Variants in TKT observed in about 807,000 individuals in gnomAD.
The protein encoded by TKT is epididymis luminal protein 107.
TKT carries 47 observed loss-of-function variants against 63.9 expected under a neutral mutation model. The observed-to-expected ratio is 0.74, with a 90% CI of 0.58 to 0.94. TKT has a LOEUF of 0.94. Ranked by LOEUF, TKT falls within the 40% of genes least tolerant of loss-of-function variation. TKT has a pLI of 0.00. For missense variants in TKT, 721 were observed against 846.2 expected, an observed-to-expected ratio of 0.85 and a Z score of 1.84; for synonymous variants, 338 against 334.1, an observed-to-expected ratio of 1.01 and a Z score of -0.13.
At chr3:53,234,665 A>C in intron 5 of TKT, 1 of 232,022 alleles carries the variant, frequency 4.3e-6, no homozygotes, top group Non-Finnish European at 8.4e-6. Flanking sequence ...TTACCGAGCA[A>C]GCCCCCATCC....
rs1441095280 is a variant in TKT at position 53,225,237 on chromosome 3, A to G, written c.*519T>C. On this transcript the variant is annotated 3_prime_UTR_variant, in exon 14 of 14. Coordinates refer to ENST00000462138, the MANE Select transcript of TKT (RefSeq NM_001064.4). ...AGATGCCTAGTTAAAAGGATATGAC[A>G]AGGACGAGGGACAACAAGCAAGTGA... The G allele has an allele frequency of 1.3e-5, 2 of 152,402 alleles. No individual in the cohort carries two copies. Among genetic ancestry groups the G allele is most frequent in the African/African-American group, 4.8e-5 (2 of 41,428 alleles). 9.4% of individuals were successfully genotyped at this position (152,402 alleles called of 1,614,324 possible). A position where few individuals can be genotyped will look rare whatever the true frequency, so the allele number is the denominator to read the frequency against.
chr3:53,240,382 G>A, intron 3 of TKT, 34 bp from the exon 4 acceptor site: 1 of 1,589,782 alleles, frequency 6.3e-7, no homozygotes, highest in Non-Finnish European at 8.6e-7. Context: ...TAATCTGAGA[G>A]GAGAAGGGAT....
intron 6 of TKT, 109 bp from the exon 7 acceptor site, chr3:53,231,659 A>C (rs1704767233): frequency 8.3e-7 from 1 of 1,202,376 alleles, no homozygotes. Flanking sequence ...GCAAGGGAGG[A>C]ATGGCATCAT....
In TKT at chr3:53,228,085, G is replaced by A; in HGVS notation, c.1544C>T (p.Ala515Val). ...VIGAGVTLHE[A>V]LAAAELLKKE... is the part of the protein sequence containing the mutation. ...CTTCAGCAGTTCGGCAGCGGCCAAGGCCTCGTGCAGGGTCACCCCAGCCCC... is the reference window on the plus strand; with the variant it reads ...CTTCAGCAGTTCGGCAGCGGCCAAGACCTCGTGCAGGGTCACCCCAGCCCC... The change falls in exon 12 of 14, where the codon GCC (alanine) becomes GTC (valine). Residue 515 changes from alanine (A) to valine (V), a missense_variant. Physicochemically the swap from Ala to Val is moderately conservative, Grantham distance 64. Coordinates refer to ENST00000462138, the MANE Select transcript of TKT (RefSeq NM_001064.4). 1 of 1,613,324 alleles carries A rather than the reference G, an allele frequency of 6.2e-7. No homozygotes were observed. Among genetic ancestry groups the A allele is most frequent in the Non-Finnish European group, 8.5e-7 (1 of 1,180,002 alleles).
At chr3:53,241,074 T>G (rs1486257995) in intron 3 of TKT, 58 bp downstream of exon 3, 2 of 1,425,476 alleles carry the variant, frequency 1.4e-6, no homozygotes, top group Non-Finnish European at 1.9e-6. Flanking sequence ...CCGTCCCACA[T>G]GTCTGGGAAA....
rs1705980579 is a variant in TKT at position 53,255,997 on chromosome 3, T to C, written c.-55A>G. ...GCGGACACACAGAGATAGCGGCTGC[T>C]CCCGCGGCGACAGGCGGCTGCCGAG... On this transcript the variant is annotated 5_prime_UTR_variant, in exon 1 of 14. Transcript: ENST00000462138. The C allele has an allele frequency of 8.1e-7, 1 of 1,229,382 alleles. No individual in the cohort carries two copies. Among genetic ancestry groups the C allele is most frequent in the Non-Finnish European group, 1.1e-6 (1 of 933,522 alleles). 76.2% of individuals were successfully genotyped at this position (1,229,382 alleles called of 1,614,324 possible).
At chr3:53,233,720 T>C (rs1240657036) in intron 5 of TKT, 2 of 153,392 alleles carry the variant, frequency 1.3e-5, no homozygotes, top group Non-Finnish European at 1.5e-5. Context: ...TGGAAATGTT[T>C]TTGAAATGAA....
In TKT at chr3:53,227,126, G is replaced by A. The variant is rs151019193; in HGVS notation, c.1574-248C>T. 8 of 460,490 alleles carry A rather than the reference G, an allele frequency of 1.7e-5. No homozygotes were observed. In the Admixed American group the frequency reaches 2.0e-4, roughly 11 times the overall value. The allele number at this position is 460,490 out of a possible 1,614,324, so 28.5% of individuals were successfully genotyped here. On this transcript the variant is annotated intron_variant, in intron 12 of 13. Transcript: ENST00000462138. ...AGTATCCAAGAACCCAGAGCGGAGC[G>A]TGCAGGCCCTGAGCGCCTTCCCTCA... is the stretch of plus-strand genomic sequence containing the variant.
rs782238383 is a variant in TKT at position 53,230,597 on chromosome 3, G to C, written c.967C>G (p.Gln323Glu). The change falls in exon 8 of 14, where the codon CAG (glutamine) becomes GAG (glutamate). Residue 323 changes from glutamine (Q) to glutamate (E), a missense_variant. Coordinates refer to ENST00000462138, the MANE Select transcript of TKT (RefSeq NM_001064.4). ...GCATGGCCCAGCTTGGCCAGTGCCT[G>C]CCCGTAGGCCTTGCGGGTGGCTATC... ...DKIATRKAYG[Q>E]ALAKLGHASD... is the part of the protein sequence containing the mutation. The C allele has an allele frequency of 6.2e-7, 1 of 1,614,246 alleles. No individual in the cohort carries two copies. Among genetic ancestry groups the C allele is most frequent in the South Asian group, 1.1e-5 (1 of 91,086 alleles).
chr3:53,236,206 T>C (rs12629909), intron 4 of TKT, among the ~76,000 whole-genome samples: 26,654 of 152,158 alleles, frequency 0.18, 2,445 homozygotes, highest in South Asian at 0.3. Context: ...AGAGGGGACA[T>C]GGCTGCCCTC....
At chr3:53,228,586 C>T (rs1361172464) in intron 10 of TKT, 1 of 553,426 alleles carries the variant, frequency 1.8e-6, no homozygotes, top group Non-Finnish European at 3.2e-6. Flanking sequence ...AACTTTCCAC[C>T]AGGTAGACTG....
intron 8 of TKT, 121 bp from the exon 9 acceptor site, chr3:53,229,557 T>A: frequency 8.9e-7 from 1 of 1,119,258 alleles, no homozygotes; most frequent in South Asian, 1.5e-5. Context: ...TTTCTGGGCT[T>A]CTGAATATGT....
Position 53,233,279 on chromosome 3 carries a change from G to A in TKT, c.630-5C>T, listed in dbSNP as rs782032836. ...TCCACGATGATGGCATGCCAACTGG[G>A]GACAGGGGGCAGAGAGTAAGGGGCA... On this transcript the variant is annotated splice_polypyrimidine_tract_variant and splice_region_variant and intron_variant, in intron 5 of 13. Coordinates refer to ENST00000462138, the MANE Select transcript of TKT (RefSeq NM_001064.4). 3.1e-6 allele frequency: 5 copies of A among 1,607,146 alleles called. No individual in the cohort carries two copies. In the African/African-American group the frequency reaches 5.3e-5, roughly 17 times the overall value.
At position 53,230,555 on chromosome 3, in the gene TKT, C is replaced by G; in HGVS notation, c.1009G>C (p.Ala337Pro). Residue 337 changes from alanine to proline, a missense_variant, in exon 8 of 14, where the codon GCC becomes CCC. Coordinates refer to ENST00000462138, the MANE Select transcript of TKT (RefSeq NM_001064.4). ...GAATTTTTGGTGTCCCCATCCAGGG[C>G]GATGATGCGGTCACTGGCATGGCCC... is the stretch of plus-strand genomic sequence containing the variant. ...KLGHASDRIIALDGDTKNSTF... is the reference protein window; with the variant it reads ...KLGHASDRIIPLDGDTKNSTF... 1 of 1,614,216 alleles carries G rather than the reference C, an allele frequency of 6.2e-7. No homozygotes were observed.
intron 5 of TKT, chr3:53,234,697 A>G (rs1553678074): frequency 6.7e-6 from 2 of 299,870 alleles, no homozygotes; most frequent in Non-Finnish European, 1.2e-5. Flanking sequence ...TCCTTCCTCA[A>G]GAACAAAGCG....
In TKT at chr3:53,225,828, C is replaced by T; in HGVS notation, c.1800G>A (p.Glu600=). Residue 600 remains glutamate (E), a synonymous_variant, in exon 14 of 14, where the codon GAG becomes GAA. Coordinates refer to ENST00000462138, the MANE Select transcript of TKT (RefSeq NM_001064.4). ...NRVPRSGKPA[E]LLKMFGIDRD... Reference sequence around the variant, plus strand: ...TGTCGATACCAAACATCTTCAGCAGCTCAGCCGGCTTCCCACTTCTTGGTA... The same window carrying T: ...TGTCGATACCAAACATCTTCAGCAGTTCAGCCGGCTTCCCACTTCTTGGTA... 1 of 1,614,140 alleles carries T rather than the reference C, an allele frequency of 6.2e-7. No individual in the cohort carries two copies. Among genetic ancestry groups the T allele is most frequent in the Non-Finnish European group, 8.5e-7 (1 of 1,180,006 alleles).
chr3:53,234,314 C>G (rs546118362), intron 5 of TKT: 2 of 152,510 alleles, frequency 1.3e-5, no homozygotes, highest in African/African-American at 4.8e-5. Flanking sequence ...GAGGCCTGAC[C>G]TGAGTCTCAA....
rs80112287 is a variant in TKT, at chr3:53,233,433, T to C, written c.630-159A>G. The C allele has an allele frequency of 5.0e-4, 258 of 510,900 alleles. 1 individual carries two copies. Among genetic ancestry groups the C allele is most frequent in the East Asian group, 3.4e-4 (10 of 29,678 alleles). 31.6% of individuals were successfully genotyped at this position (510,900 alleles called of 1,614,324 possible). On this transcript the variant is annotated intron_variant, in intron 5 of 13. Transcript: ENST00000462138. ...AGTAGAAAGCTTGCAACATTCCTGT[T>C]TCCAGTTTGGGTTTTTTAAATCCTT...
Position 53,225,297 on chromosome 3 carries a change from G to C in TKT, c.*459C>G, listed in dbSNP as rs1704451641. On this transcript the variant is annotated 3_prime_UTR_variant, in exon 14 of 14. Transcript: ENST00000462138. Reference sequence around the variant, plus strand: ...TCCCAGGAGACCTGACTGCAAGGCTGTGGGGACTTGGGGGAGGTGGGGCGG... The same window carrying C: ...TCCCAGGAGACCTGACTGCAAGGCTCTGGGGACTTGGGGGAGGTGGGGCGG... The C allele has an allele frequency of 6.7e-6, 1 of 148,378 alleles. No homozygotes were observed. Among genetic ancestry groups the C allele is most frequent in the Admixed American group, 6.7e-5 (1 of 14,964 alleles). The allele number at this position is 148,378 out of a possible 1,614,324, so 9.2% of individuals were successfully genotyped here.
Sources: allele counts gnomAD v4.1 joint callset (sites outside exome capture counted in the v4.1 genomes callset), GRCh38; gene constraint gnomAD v4.1.1; transcripts MANE v1.5; gene names NCBI Gene and HGNC (gene_info 2026-07-23, HGNC 2026-07-21).